CCSER1: variants seen among roughly 807,000 people sequenced by gnomAD.
The protein encoded by CCSER1 is serine-rich coiled-coil domain-containing protein 1.
CCSER1 carries 41 observed loss-of-function variants against 82.0 expected under a neutral mutation model. That is an observed-to-expected ratio of 0.50 (90% CI 0.39 to 0.65). The LOEUF is 0.65. Among genes scored for constraint, CCSER1 ranks in the 30% least tolerant of loss-of-function variants. The pLI is 0.00. For missense variants in CCSER1, 1,119 were observed against 1,064.2 expected, an observed-to-expected ratio of 1.05 and a Z score of -0.72; for synonymous variants, 414 against 383.9, an observed-to-expected ratio of 1.08 and a Z score of -0.92.
chr4:91,364,532 G>T (rs2149316374), intron 10 of CCSER1, among the ~76,000 whole-genome samples: 1 of 152,126 alleles, frequency 6.6e-6, no homozygotes, highest in Non-Finnish European at 1.5e-5. Flanking sequence ...AACAAGAAAA[G>T]AACATTAATG....
chr4:91,276,490 T>C (rs2149193698), intron 10 of CCSER1, among the ~76,000 whole-genome samples: 1 of 152,200 alleles, frequency 6.6e-6, no homozygotes, highest in Non-Finnish European at 1.5e-5. Context: ...TATGTTGGTT[T>C]TTGTATCCTT....
chr4:91,354,284 A>G (rs1678108527), intron 10 of CCSER1, among the ~76,000 whole-genome samples: 1 of 152,098 alleles, frequency 6.6e-6, no homozygotes. Context: ...GCTATGCTTC[A>G]TTTTTCGTGG....
intron 10 of CCSER1, among the ~76,000 whole-genome samples, chr4:91,314,382 A>T (rs1375540846): frequency 4.6e-5 from 7 of 151,964 alleles, no homozygotes; most frequent in Non-Finnish European, 1.5e-5. Flanking sequence ...AGGGAACCTT[A>T]TAATCCTTCT....
rs58770768 is a variant in CCSER1, at chr4:91,392,363, G to GCACACACGCGCGCA, written c.2218-206202_2218-206201insGCGCGCACACACAC. On this transcript the variant is annotated intron_variant, in intron 10 of 10. Coordinates refer to ENST00000509176, the MANE Select transcript of CCSER1 (RefSeq NM_001145065.2). ...AGTTAGCAATATGAAACCTACACAT[G>GCACACACGCGCGCA]CACACACACACACACACACACACAC... 1.4e-5 allele frequency among the ~76,000 whole-genome samples: 2 copies of GCACACACGCGCGCA among 148,118 alleles called. 1 individual carries two copies. Among genetic ancestry groups the GCACACACGCGCGCA allele is most frequent in the South Asian group, 4.3e-4 (2 of 4,670 alleles).
intron 10 of CCSER1, among the ~76,000 whole-genome samples, chr4:91,521,247 T>G (rs972125137): frequency 6.6e-5 from 10 of 152,184 alleles, no homozygotes; most frequent in African/African-American, 2.4e-4. Flanking sequence ...GTATTCCATG[T>G]TGTATATGTG....
chr4:91,105,664 A>G (rs1725541137), intron 10 of CCSER1, among the ~76,000 whole-genome samples: 2 of 152,190 alleles, frequency 1.3e-5, no homozygotes. Context: ...AGATCACACC[A>G]CTACACTCCA....
chr4:91,094,419 A>G (rs1433483422), intron 10 of CCSER1, among the ~76,000 whole-genome samples: 7 of 152,080 alleles, frequency 4.6e-5, no homozygotes, highest in Non-Finnish European at 7.4e-5. Context: ...AGCAATCCTA[A>G]CAGTGTGTAA....
At chr4:91,156,183 A>T (rs184478430) in intron 10 of CCSER1, among the ~76,000 whole-genome samples, 2 of 151,892 alleles carry the variant, frequency 1.3e-5, no homozygotes, top group East Asian at 3.9e-4. Context: ...GGGGTTCATT[A>T]TATCTACTAT....
At chr4:90,405,313 G>A (rs1183564187) in intron 4 of CCSER1, among the ~76,000 whole-genome samples, 1 of 151,862 alleles carries the variant, frequency 6.6e-6, no homozygotes, top group Non-Finnish European at 1.5e-5. Context: ...TAAAGACAAA[G>A]AAAAAATAAC....
At chr4:90,442,045 TCA>T (rs1759963846) in intron 4 of CCSER1, among the ~76,000 whole-genome samples, 1 of 152,078 alleles carries the variant, frequency 6.6e-6, no homozygotes, top group African/African-American at 2.4e-5. Flanking sequence ...TCTATATTAC[TCA>T]CAAAAGAAAA....
At chr4:90,849,183 G>A (rs1046060929) in intron 8 of CCSER1, among the ~76,000 whole-genome samples, 40 of 152,290 alleles carry the variant, frequency 2.6e-4, no homozygotes, top group South Asian at 2.3e-3. Flanking sequence ...AAGGAAATGG[G>A]GGAAAGTTTG....
chr4:90,483,805 A>AT (rs1766503683), intron 5 of CCSER1, among the ~76,000 whole-genome samples: 1 of 151,892 alleles, frequency 6.6e-6, no homozygotes, highest in South Asian at 2.1e-4. Context: ...TGCCCTTAAC[A>AT]TTTTTTCCTT....
chr4:91,259,617 A>G (rs568205274), intron 10 of CCSER1, among the ~76,000 whole-genome samples: 7 of 150,602 alleles, frequency 4.6e-5, no homozygotes, highest in East Asian at 3.9e-4. Flanking sequence ...ACAGGCCCCA[A>G]TATGTGATGT....
chr4:91,315,978 A>C (rs1004595020), intron 10 of CCSER1, among the ~76,000 whole-genome samples: 2 of 151,966 alleles, frequency 1.3e-5, no homozygotes, highest in Admixed American at 6.6e-5. Flanking sequence ...GAGGTAATTT[A>C]ATCATAAGGG....
In CCSER1 at chr4:91,602,483, A is replaced by C. The variant is rs551763210; in HGVS notation, c.*3426A>C. ...TTGGCAACTTAGTTGTTGATTAAAC[A>C]GTAGGAACAGTTTGCTGAATGGTTA... On this transcript the variant is annotated 3_prime_UTR_variant, in exon 11 of 11. Transcript: ENST00000509176. 2.2e-4 allele frequency among the ~76,000 whole-genome samples: 34 copies of C among 152,184 alleles called. No homozygotes were observed. In the South Asian group the frequency reaches 7.0e-3, roughly 32 times the overall value.
chr4:91,297,315 A>C (rs1207033080), intron 10 of CCSER1, among the ~76,000 whole-genome samples: 2 of 151,736 alleles, frequency 1.3e-5, no homozygotes, highest in African/African-American at 4.8e-5. Flanking sequence ...TTCCCCAAAG[A>C]AAAAAGTAAA....
At chr4:90,354,216 C>T (rs1744013579) in intron 3 of CCSER1, among the ~76,000 whole-genome samples, 1 of 152,130 alleles carries the variant, frequency 6.6e-6, no homozygotes, top group Non-Finnish European at 1.5e-5. Flanking sequence ...ACTATATGAT[C>T]TCACTTATTT....
chr4:90,934,942 G>A (rs1020028034), intron 9 of CCSER1, among the ~76,000 whole-genome samples: 11 of 151,202 alleles, frequency 7.3e-5, no homozygotes, highest in South Asian at 2.1e-4. Flanking sequence ...ACACACACAC[G>A]CACACACACA....
At chr4:91,199,023 C>A (rs956333467) in intron 10 of CCSER1, among the ~76,000 whole-genome samples, 4 of 152,080 alleles carry the variant, frequency 2.6e-5, no homozygotes, top group Non-Finnish European at 5.9e-5. Context: ...AGTCTCACAG[C>A]CTACAAAGTT....
Sources: gnomAD v4.1 joint callset for allele counts (sites outside exome capture counted in the v4.1 genomes callset) on GRCh38, gnomAD v4.1.1 for gene constraint, MANE v1.5 for transcripts, NCBI Gene and HGNC (gene_info 2026-07-23, HGNC 2026-07-21) for gene names.